The following FBXO11 variants were observed in gnomAD, a reference collection of about 807,000 sequenced individuals.
The protein encoded by FBXO11 is F-box protein 11.
A neutral mutation model predicts 117.0 loss-of-function variants in FBXO11; 13 were observed. That is an observed-to-expected ratio of 0.11 (90% CI 0.07 to 0.18). The LOEUF is 0.18. Ranked by LOEUF, FBXO11 falls within the 10% of genes least tolerant of loss-of-function variation. The probability of loss-of-function intolerance (pLI) is 1.00; values close to 1 mark genes in which losing one functional copy is unlikely to be tolerated. For synonymous variants in FBXO11, 490 were observed against 380.5 expected (o/e 1.29, Z -3.35); for missense variants, 767 against 1,164.4 (o/e 0.66, Z 4.97).
intron 1 of FBXO11, among the ~76,000 whole-genome samples, chr2:47,854,927 GATGGCTTTGGCA>G (rs1674163746): frequency 6.7e-6 from 1 of 150,192 alleles, no homozygotes; most frequent in South Asian, 2.1e-4. Context: ...TTTATTAAGA[GATGGCTTTGGCA>G]GCAACGTGCA....
At chr2:47,848,734 A>G (rs765698783) in intron 1 of FBXO11, among the ~76,000 whole-genome samples, 26 of 152,204 alleles carry the variant, frequency 1.7e-4, no homozygotes, top group Admixed American at 1.4e-3. Flanking sequence ...TTAAAAAATA[A>G]TCTCTGACAT....
At chr2:47,876,338 T>A (rs1341488999) in intron 1 of FBXO11, among the ~76,000 whole-genome samples, 2 of 152,240 alleles carry the variant, frequency 1.3e-5, no homozygotes, top group East Asian at 3.8e-4. Context: ...ATCAAATATT[T>A]TGCCAATTCT....
intron 5 of FBXO11, among the ~76,000 whole-genome samples, chr2:47,835,403 C>T (rs932873910): frequency 1.3e-5 from 2 of 152,196 alleles, no homozygotes; most frequent in Non-Finnish European, 2.9e-5. Flanking sequence ...GCTACTAATG[C>T]TTACTGTACT....
chr2:47,880,186 CA>C (rs368056551), intron 1 of FBXO11, among the ~76,000 whole-genome samples: 10 of 152,052 alleles, frequency 6.6e-5, no homozygotes, highest in African/African-American at 2.4e-4. Flanking sequence ...TTGGTAGAGT[CA>C]GGGTTTTGTC....
chr2:47,875,032 C>G (rs1272052043), intron 1 of FBXO11, among the ~76,000 whole-genome samples: 1 of 152,066 alleles, frequency 6.6e-6, no homozygotes, highest in Admixed American at 6.6e-5. Context: ...ATATGATCAT[C>G]TCAAGAATCA....
intron 1 of FBXO11, among the ~76,000 whole-genome samples, chr2:47,845,658 T>C (rs1330287929): frequency 3.3e-5 from 5 of 152,210 alleles, no homozygotes; most frequent in Non-Finnish European, 7.4e-5. Flanking sequence ...CCTTATGTTA[T>C]ACTTACTTTT....
intron 18 of FBXO11, among the ~76,000 whole-genome samples, chr2:47,812,638 G>C (rs1239127172): frequency 6.6e-6 from 1 of 152,158 alleles, no homozygotes; most frequent in Non-Finnish European, 1.5e-5. Context: ...TTCTATGTAA[G>C]ATATGTACAA....
At chr2:47,830,892 T>C (rs1672131077) in intron 11 of FBXO11, among the ~76,000 whole-genome samples, 1 of 152,086 alleles carries the variant, frequency 6.6e-6, no homozygotes, top group African/African-American at 2.4e-5. Flanking sequence ...CTCCGTCTCC[T>C]GGGCTCAAGT....
intron 1 of FBXO11, among the ~76,000 whole-genome samples, chr2:47,902,440 C>T (rs1678367174): frequency 6.6e-6 from 1 of 152,064 alleles, no homozygotes; most frequent in Non-Finnish European, 1.5e-5. Flanking sequence ...TTGAAAAATC[C>T]TCAAAGATTT....
Position 47,807,039 on chromosome 2 carries a change from A to ATATT in FBXO11, c.*1075_*1078dup. ...TAATGGTTATTGAATACTCCACAAT[A>ATATT]TATTAAGTCTAGATGTTATGGTACA... On this transcript the variant is annotated 3_prime_UTR_variant, in exon 23 of 23. Coordinates refer to ENST00000403359, the MANE Select transcript of FBXO11 (RefSeq NM_001190274.2). 2 of 618,862 alleles carry ATATT rather than the reference A, an allele frequency of 3.2e-6. No individual in the cohort carries two copies. Among genetic ancestry groups the ATATT allele is most frequent in the South Asian group, 1.9e-5 (1 of 51,502 alleles). The allele number at this position is 618,862 out of a possible 1,614,324, so 38.3% of individuals were successfully genotyped here. A position where few individuals can be genotyped will look rare whatever the true frequency, so the allele number is the denominator to read the frequency against.
intron 1 of FBXO11, among the ~76,000 whole-genome samples, chr2:47,879,751 T>A (rs1302061716): frequency 6.6e-6 from 1 of 152,226 alleles, no homozygotes; most frequent in Non-Finnish European, 1.5e-5. Context: ...AAACTCTATA[T>A]CCACTGAACA....
chr2:47,874,280 C>A (rs1334694948), intron 1 of FBXO11, among the ~76,000 whole-genome samples: 1 of 151,926 alleles, frequency 6.6e-6, no homozygotes, highest in African/African-American at 2.4e-5. Context: ...AATTATATTT[C>A]TATTTTGTTG....
At chr2:47,890,953 G>T (rs1042569899) in intron 1 of FBXO11, among the ~76,000 whole-genome samples, 3 of 152,046 alleles carry the variant, frequency 2.0e-5, no homozygotes, top group Admixed American at 2.0e-4. Flanking sequence ...GAGCAGTTGG[G>T]ACCACAGGCA....
At chr2:47,895,839 T>C (rs1380032936) in intron 1 of FBXO11, among the ~76,000 whole-genome samples, 1 of 152,064 alleles carries the variant, frequency 6.6e-6, no homozygotes, top group African/African-American at 2.4e-5. Flanking sequence ...ATTACAGGCA[T>C]CTGCCACCAT....
intron 1 of FBXO11, among the ~76,000 whole-genome samples, chr2:47,845,945 A>T (rs1275702480): frequency 3.9e-5 from 6 of 152,046 alleles, no homozygotes; most frequent in African/African-American, 1.4e-4. Flanking sequence ...CAAATCCACA[A>T]ATGCATTTAC....
rs1396575142 is a variant in FBXO11, at chr2:47,891,606, T to A, written c.232+13883A>T. ...TGGGAGTGCTAGTATTTCTTCAAGT[T>A]CCTGATTTCATTTCTTTTGAATAAA... On this transcript the variant is annotated intron_variant, in intron 1 of 22. Transcript: ENST00000403359. 2.0e-5 allele frequency among the ~76,000 whole-genome samples: 3 copies of A among 152,212 alleles called. No homozygotes were observed. The East Asian group carries it at 5.8e-4, about 29-fold the overall frequency.
chr2:47,901,050 T>C (rs567443419), intron 1 of FBXO11, among the ~76,000 whole-genome samples: 8 of 133,042 alleles, frequency 6.0e-5, no homozygotes, highest in African/African-American at 1.9e-4. Flanking sequence ...TGTACATATA[T>C]ACACATATAT....
chr2:47,809,278 G>T lies in FBXO11; in HGVS notation c.2447-12C>A. ...CATTATTTTGTTATCTGTAATAAAA[G>T]AAAGAATAAGTAAAAATTCAGAGGA... is the stretch of plus-strand genomic sequence containing the variant. On this transcript the variant is annotated splice_polypyrimidine_tract_variant and intron_variant, in intron 20 of 22. Transcript: ENST00000403359. 1.4e-6 allele frequency: 2 copies of T among 1,460,384 alleles called. No individual in the cohort carries two copies. Among genetic ancestry groups the T allele is most frequent in the Non-Finnish European group, 1.9e-6 (2 of 1,058,444 alleles). The allele number at this position is 1,460,384 out of a possible 1,614,324, so 90.5% of individuals were successfully genotyped here. A position where few individuals can be genotyped will look rare whatever the true frequency, so the allele number is the denominator to read the frequency against.
rs775946477 is a variant in FBXO11, at chr2:47,809,275, A to C, written c.2447-9T>G. On this transcript the variant is annotated splice_polypyrimidine_tract_variant and intron_variant, in intron 20 of 22. Transcript: ENST00000403359. Reference sequence around the variant, plus strand: ...GTTCATTATTTTGTTATCTGTAATAAAAGAAAGAATAAGTAAAAATTCAGA... The same window carrying C: ...GTTCATTATTTTGTTATCTGTAATACAAGAAAGAATAAGTAAAAATTCAGA... 4 of 1,491,854 alleles carry C rather than the reference A, an allele frequency of 2.7e-6. No individual in the cohort carries two copies. In the South Asian group the frequency reaches 3.6e-5, roughly 13 times the overall value. 92.4% of individuals were successfully genotyped at this position (1,491,854 alleles called of 1,614,324 possible).
Sources: gnomAD v4.1 joint callset for allele counts (sites outside exome capture counted in the v4.1 genomes callset) on GRCh38, gnomAD v4.1.1 for gene constraint, MANE v1.5 for transcripts, NCBI Gene and HGNC (gene_info 2026-07-23, HGNC 2026-07-21) for gene names.